Variants in ABR observed in about 807,000 individuals in gnomAD.
ABR encodes the protein active breakpoint cluster region-related protein.
In ABR, 35 loss-of-function variants were observed where a neutral mutation model predicts 107.2. That is an observed-to-expected ratio of 0.33 (90% CI 0.25 to 0.43). The LOEUF (loss-of-function observed/expected upper bound fraction) is 0.43, where lower values mean the gene tolerates loss of function less well. Among genes scored for constraint, ABR ranks in the 20% least tolerant of loss-of-function variants. ABR has a pLI of 1.00. For missense variants in ABR, 815 were observed against 1,115.2 expected, an observed-to-expected ratio of 0.73 and a Z score of 3.83; for synonymous variants, 498 against 462.0, an observed-to-expected ratio of 1.08 and a Z score of -1.00.
chr17:1,195,055 C>T (rs1224957746), intron 1 of ABR, among the ~76,000 whole-genome samples: 2 of 144,340 alleles, frequency 1.4e-5, no homozygotes, highest in Admixed American at 7.0e-5. Flanking sequence ...CGCCTGTAAT[C>T]CCAGCACTTT....
At chr17:1,161,288 G>T (rs2041281753) in intron 1 of ABR, among the ~76,000 whole-genome samples, 1 of 151,292 alleles carries the variant, frequency 6.6e-6, no homozygotes, top group African/African-American at 2.4e-5. Flanking sequence ...CTTTGCCCAG[G>T]CCAGAGTGCA....
chr17:1,151,706 T>A (rs1023325625), intron 1 of ABR, among the ~76,000 whole-genome samples: 3 of 152,174 alleles, frequency 2.0e-5, no homozygotes, highest in Non-Finnish European at 4.4e-5. Context: ...GTTGAACCCT[T>A]TTTGGGCAGG....
chr17:1,009,595 T>A (rs909791610), intron 21 of ABR, 84 bp downstream of exon 21: 12 of 1,124,506 alleles, frequency 1.1e-5, no homozygotes, highest in Non-Finnish European at 1.6e-5. Context: ...GAGGAGGGAC[T>A]GAGGAGGTGG....
chr17:1,050,328 T>A lies in ABR; in HGVS notation c.1660-147A>T. The A allele has an allele frequency of 8.8e-7, 1 of 1,141,280 alleles. No individual in the cohort carries two copies. Among genetic ancestry groups the A allele is most frequent in the Non-Finnish European group, 1.2e-6 (1 of 815,146 alleles). The allele number at this position is 1,141,280 out of a possible 1,614,324, so 70.7% of individuals were successfully genotyped here. ...AGATTTTCTGGAGCTCCCAGAGGCCTCCCATCACCCCTGGAGTCTGGGGGC... is the reference window on the plus strand; with the variant it reads ...AGATTTTCTGGAGCTCCCAGAGGCCACCCATCACCCCTGGAGTCTGGGGGC... On this transcript the variant is annotated intron_variant, in intron 15 of 22. Coordinates refer to ENST00000302538, the MANE Select transcript of ABR (RefSeq NM_021962.5). The surrounding 1 kb of genome is among the most constrained non-coding windows in gnomAD (Gnocchi z 4.6).
chr17:1,229,284 C>T (rs1192356761), exon 1 of ABR, among the ~76,000 whole-genome samples: 3 of 151,590 alleles, frequency 2.0e-5, no homozygotes, highest in Non-Finnish European at 2.9e-5. Flanking sequence ...GGCCCAGCTC[C>T]TTCCCCCGCC....
intron 16 of ABR, among the ~76,000 whole-genome samples, chr17:1,038,692 G>A (rs376795351): frequency 1.3e-5 from 2 of 152,232 alleles, no homozygotes; most frequent in East Asian, 1.9e-4. Flanking sequence ...TGGCCACGAG[G>A]GGCTGCTGTG....
chr17:1,009,149 G>A (rs2070302982), intron 21 of ABR, among the ~76,000 whole-genome samples: 1 of 151,770 alleles, frequency 6.6e-6, no homozygotes, highest in Non-Finnish European at 1.5e-5. Context: ...GGCTTACAAT[G>A]TATCCTCCTG....
chr17:1,057,693 G>C (rs2033493005), intron 12 of ABR, among the ~76,000 whole-genome samples: 1 of 151,924 alleles, frequency 6.6e-6, no homozygotes, highest in South Asian at 2.1e-4. Context: ...GTCTCTGTGT[G>C]TGTGTGTGTG....
chr17:1,178,237 C>A (rs1157643124), intron 1 of ABR, among the ~76,000 whole-genome samples: 1 of 151,974 alleles, frequency 6.6e-6, no homozygotes, highest in Non-Finnish European at 1.5e-5. Context: ...CCCCCCACCC[C>A]CCCCATATGA....
At chr17:1,073,841 C>CG (rs1222315200) in intron 6 of ABR, among the ~76,000 whole-genome samples, 164 bp from the exon 7 acceptor site, 1 of 151,966 alleles carries the variant, frequency 6.6e-6, no homozygotes, top group East Asian at 1.9e-4. Flanking sequence ...TCTCACTCCC[C>CG]GGGCCGACCA....
At chr17:1,159,281 G>A (rs1414543326) in intron 1 of ABR, among the ~76,000 whole-genome samples, 2 of 49,804 alleles carry the variant, frequency 4.0e-5, no homozygotes, top group African/African-American at 1.1e-4. Flanking sequence ...CTCACACACG[G>A]GAGAGGTAAG....
At chr17:1,124,947 C>T (rs996488233) in intron 2 of ABR, among the ~76,000 whole-genome samples, 3 of 152,020 alleles carry the variant, frequency 2.0e-5, no homozygotes, top group South Asian at 2.1e-4. Context: ...GGGGAGCAGA[C>T]GGCTAGTAGA....
intron 1 of ABR, among the ~76,000 whole-genome samples, chr17:1,227,960 T>C (rs28571829): frequency 0.39 from 59,937 of 152,008 alleles, 12,777 homozygotes; most frequent in African/African-American, 0.55. Context: ...ATGACTAAGA[T>C]CAGGCCCTGT....
intron 14 of ABR, among the ~76,000 whole-genome samples, chr17:1,054,516 A>C (rs1300894185): frequency 4.6e-5 from 6 of 130,176 alleles, no homozygotes; most frequent in East Asian, 2.2e-4. Context: ...GATACAAGGA[A>C]CCTCAGGGGA....
At chr17:1,083,263 T>A (rs2036377593) in intron 5 of ABR, 1 of 29,462 alleles carries the variant, frequency 3.4e-5, no homozygotes, top group East Asian at 8.3e-4. Flanking sequence ...CTGCCTTGGA[T>A]TTTTTTTTTT....
rs189791868 is a variant in ABR at position 1,014,248 on chromosome 17, T to C, written c.1792-1084A>G. 5.5e-3 allele frequency among the ~76,000 whole-genome samples: 829 copies of C among 151,956 alleles called. 9 individuals are homozygous for C. The highest frequency in any genetic ancestry group is 0.019 in the African/African-American group (778 of 41,416). ...CGAGCTCAGGAGATCGAGACCATCC[T>C]GGCTAACACGGTGAAACCCCGTCTC... is the stretch of plus-strand genomic sequence containing the variant. On this transcript the variant is annotated intron_variant, in intron 16 of 22. Coordinates refer to ENST00000302538, the MANE Select transcript of ABR (RefSeq NM_021962.5).
rs376700554 is a variant in ABR, at chr17:1,056,118, G to A, written c.1487-9C>T. 18 of 1,613,634 alleles carry A rather than the reference G, an allele frequency of 1.1e-5. No individual in the cohort carries two copies. The highest frequency in any genetic ancestry group is 1.2e-5 in the Non-Finnish European group (14 of 1,179,656). ...TCCTGGAGACTCATCGTCTGCAAGA[G>A]AGAAAAGCCCCCAGGGCAGAGGGTG... is the stretch of plus-strand genomic sequence containing the variant. On this transcript the variant is annotated splice_polypyrimidine_tract_variant and intron_variant, in intron 13 of 22. Transcript: ENST00000302538.
At chr17:1,045,245 G>C (rs1406845250) in intron 16 of ABR, among the ~76,000 whole-genome samples, 1 of 152,190 alleles carries the variant, frequency 6.6e-6, no homozygotes, top group East Asian at 1.9e-4. Flanking sequence ...AATCGCTCTC[G>C]TTCCACCTCC....
intron 1 of ABR, among the ~76,000 whole-genome samples, chr17:1,152,248 G>A (rs2264070): frequency 0.64 from 95,267 of 148,832 alleles, 30,965 homozygotes; most frequent in African/African-American, 0.77. Flanking sequence ...GCGCCACTGC[G>A]CTCCAGCCTG....
Sources: gnomAD v4.1 joint callset for allele counts (sites outside exome capture counted in the v4.1 genomes callset) on GRCh38, gnomAD v4.1.1 for gene constraint, Gnocchi (gnomAD v3.1) non-coding constraint, MANE v1.5 for transcripts, NCBI Gene and HGNC (gene_info 2026-07-23, HGNC 2026-07-21) for gene names.